PCDH15: variants seen among roughly 807,000 people sequenced by gnomAD.
PCDH15 encodes the protein protocadherin-15.
PCDH15 carries 129 observed loss-of-function variants against 178.5 expected under a neutral mutation model. That is an observed-to-expected ratio of 0.72 (90% CI 0.63 to 0.84). The LOEUF is 0.84. Among genes scored for constraint, PCDH15 ranks in the 40% least tolerant of loss-of-function variants. The probability of loss-of-function intolerance (pLI) is 0.00; values close to 1 mark genes in which losing one functional copy is unlikely to be tolerated. For synonymous variants in PCDH15, 800 were observed against 732.0 expected, an observed-to-expected ratio of 1.09 and a Z score of -1.50; for missense variants, 2,230 against 2,099.9, an observed-to-expected ratio of 1.06 and a Z score of -1.21.
chr10:54,528,889 C>G (rs911382280), intron 2 of PCDH15, among the ~76,000 whole-genome samples: 1 of 151,770 alleles, frequency 6.6e-6, no homozygotes, highest in Non-Finnish European at 1.5e-5. Flanking sequence ...AATGTGAAAA[C>G]TTTGCCTGCA....
At chr10:54,134,833 C>A (rs1017443331) in intron 14 of PCDH15, among the ~76,000 whole-genome samples, 1 of 151,268 alleles carries the variant, frequency 6.6e-6, no homozygotes, top group South Asian at 2.1e-4. Flanking sequence ...TATAATATAC[C>A]TAAATTCAAG....
chr10:55,539,521 G>C (rs1026781961), intron 2 of PCDH15, among the ~76,000 whole-genome samples: 1 of 151,984 alleles, frequency 6.6e-6, no homozygotes, highest in Admixed American at 6.6e-5. Context: ...TGCTTTAATA[G>C]GATGTCTCCA....
intron 2 of PCDH15, among the ~76,000 whole-genome samples, chr10:54,570,453 G>A (rs931602027): frequency 6.6e-6 from 1 of 152,004 alleles, no homozygotes; most frequent in African/African-American, 2.4e-5. Flanking sequence ...AATTTCTCTT[G>A]ACAAATGTCT....
intron 2 of PCDH15, among the ~76,000 whole-genome samples, chr10:55,348,237 C>A (rs56678226): frequency 0.056 from 8,573 of 152,158 alleles, 548 homozygotes; most frequent in African/African-American, 0.16. Context: ...TCACAAGCCA[C>A]ATTTCAAAGG....
At chr10:54,617,540 T>C (rs117634591) in intron 2 of PCDH15, among the ~76,000 whole-genome samples, 42 of 151,996 alleles carry the variant, frequency 2.8e-4, no homozygotes, top group Admixed American at 5.9e-4. Context: ...TGGACTTCAA[T>C]TGAGTGAGAA....
intron 2 of PCDH15, among the ~76,000 whole-genome samples, chr10:55,096,204 C>G (rs999193804): frequency 3.3e-5 from 5 of 152,152 alleles, no homozygotes; most frequent in Middle Eastern, 3.4e-3. Context: ...ATTCTGATGA[C>G]AGGAAACCAC....
chr10:54,895,538 G>C lies in PCDH15; in HGVS notation c.-29+1912C>G, dbSNP rs12098726. ...ATAACAGCTTAGAGAAGAGGATTTT[G>C]CCCCCTTTGCACTGTTGTCTCATTT... On this transcript the variant is annotated intron_variant, in intron 3 of 5. Coordinates refer to the PCDH15 transcript ENST00000458638. Among the ~76,000 whole-genome samples the C allele has an allele frequency of 1.9e-3, 283 of 152,206 alleles. 1 individual carries two copies. Among genetic ancestry groups the C allele is most frequent in the African/African-American group, 6.4e-3 (264 of 41,544 alleles).
chr10:54,914,446 T>C (rs61854524), intron 2 of PCDH15, among the ~76,000 whole-genome samples: 38,688 of 152,046 alleles, frequency 0.25, 5,621 homozygotes, highest in Non-Finnish European at 0.33. Context: ...AAATAAAAAT[T>C]GTTTTAATCC....
At chr10:54,264,375 T>C (rs2057531889) in intron 8 of PCDH15, among the ~76,000 whole-genome samples, 2 of 152,122 alleles carry the variant, frequency 1.3e-5, no homozygotes, top group African/African-American at 4.8e-5. Context: ...TTTTGTGGTC[T>C]CCAAAGCCTC....
At chr10:54,853,039 T>C (rs2131768805) in intron 3 of PCDH15, among the ~76,000 whole-genome samples, 1 of 151,158 alleles carries the variant, frequency 6.6e-6, no homozygotes, top group Non-Finnish European at 1.5e-5. Context: ...GGCAGGCAGA[T>C]CACCCGAGGT....
At chr10:55,567,619 A>T (rs532849519) in intron 2 of PCDH15, among the ~76,000 whole-genome samples, 3 of 152,156 alleles carry the variant, frequency 2.0e-5, no homozygotes, top group African/African-American at 7.2e-5. Flanking sequence ...TGATTCAAAA[A>T]TGGTCAAAAT....
intron 3 of PCDH15, among the ~76,000 whole-genome samples, chr10:54,846,949 T>A (rs1336918068): frequency 1.3e-5 from 2 of 152,256 alleles, no homozygotes; most frequent in Non-Finnish European, 2.9e-5. Flanking sequence ...TTACTTCATT[T>A]ACATTATCAC....
At chr10:55,376,329 G>A (rs751208013) in intron 2 of PCDH15, among the ~76,000 whole-genome samples, 2 of 152,040 alleles carry the variant, frequency 1.3e-5, no homozygotes, top group East Asian at 1.9e-4. Flanking sequence ...TAAGCGGTAC[G>A]ACTATGAGAA....
At chr10:54,995,139 G>A (rs898343806) in intron 2 of PCDH15, among the ~76,000 whole-genome samples, 6 of 152,040 alleles carry the variant, frequency 3.9e-5, no homozygotes, top group Non-Finnish European at 7.4e-5. Flanking sequence ...CACTTTGGGA[G>A]GCCGAGGCGG....
chr10:54,859,007 T>C (rs80314778), intron 3 of PCDH15, among the ~76,000 whole-genome samples: 11,663 of 152,130 alleles, frequency 0.077, 533 homozygotes, highest in South Asian at 0.13. Flanking sequence ...TCCTGTGATA[T>C]TAATATGGTA....
intron 2 of PCDH15, among the ~76,000 whole-genome samples, chr10:55,536,413 A>G (rs1449928735): frequency 2.0e-5 from 3 of 152,118 alleles, no homozygotes; most frequent in South Asian, 2.1e-4. Flanking sequence ...TTCTTTCAAT[A>G]TGTATTTGAA....
intron 1 of PCDH15, among the ~76,000 whole-genome samples, chr10:55,300,582 C>T (rs1588892748): frequency 6.6e-6 from 1 of 152,240 alleles, no homozygotes; most frequent in Middle Eastern, 3.4e-3. Flanking sequence ...CCAATATTTA[C>T]ATCAACATTT....
chr10:54,927,205 T>A (rs1417099328), intron 2 of PCDH15, among the ~76,000 whole-genome samples: 1 of 152,094 alleles, frequency 6.6e-6, no homozygotes, highest in Non-Finnish European at 1.5e-5. Context: ...AGAAGTCACT[T>A]AGAATCAGGT....
chr10:55,237,483 G>C (rs935194993), intron 1 of PCDH15, among the ~76,000 whole-genome samples: 1 of 152,172 alleles, frequency 6.6e-6, no homozygotes, highest in African/African-American at 2.4e-5. Flanking sequence ...GTGTTTTAAT[G>C]AATTTAAATT....
Sources: gnomAD v4.1 joint callset for allele counts (sites outside exome capture counted in the v4.1 genomes callset) on GRCh38, gnomAD v4.1.1 for gene constraint, MANE v1.5 for transcripts, NCBI Gene and HGNC (gene_info 2026-07-23, HGNC 2026-07-21) for gene names.